TFRC: variants seen among roughly 807,000 people sequenced by gnomAD.
TFRC encodes transferrin receptor protein 1.
Under a neutral mutation model 85.8 loss-of-function variants are expected in TFRC, and 35 were observed. That is an observed-to-expected ratio of 0.41 (90% CI 0.31 to 0.54). TFRC has a LOEUF of 0.54. Among genes scored for constraint, TFRC ranks in the 20% least tolerant of loss-of-function variants. The pLI is 0.31. For synonymous variants in TFRC, 362 were observed against 328.6 expected, an observed-to-expected ratio of 1.10 and a Z score of -1.10; for missense variants, 828 against 921.5, an observed-to-expected ratio of 0.90 and a Z score of 1.31.
At chr3:196,064,554 A>T in intron 10 of TFRC, 126 bp from the exon 11 acceptor site, 1 of 787,274 alleles carries the variant, frequency 1.3e-6, no homozygotes, top group Non-Finnish European at 1.8e-6. Flanking sequence ...GCCTTACTTC[A>T]AATCTGACTA....
chr3:196,058,513 A>C, intron 15 of TFRC, 61 bp downstream of exon 15: 1 of 1,522,818 alleles, frequency 6.6e-7, no homozygotes, highest in Non-Finnish European at 9.0e-7. Context: ...GATTCTACCT[A>C]ATGTAGTAGG....
chr3:196,064,918 T>A (rs1222588128), intron 10 of TFRC, among the ~76,000 whole-genome samples: 1 of 152,198 alleles, frequency 6.6e-6, no homozygotes. Context: ...GTCATAATGG[T>A]CAATTTTTAA....
chr3:196,049,683 A>G lies in TFRC; in HGVS notation c.*2259T>C. ...GCATGCCCTGTATTCATATTGTGTT[A>G]TACGATGAACATGCCACATGCTTTC... On this transcript the variant is annotated 3_prime_UTR_variant, in exon 19 of 19. Transcript: ENST00000360110. 4.4e-6 allele frequency: 1 copy of G among 229,806 alleles called. No homozygotes were observed. The highest frequency in any genetic ancestry group is 6.2e-5 in the East Asian group (1 of 16,104). 14.2% of individuals were successfully genotyped at this position (229,806 alleles called of 1,614,324 possible).
chr3:196,072,694 T>C (rs1718310899), intron 4 of TFRC: 1 of 148,256 alleles, frequency 6.7e-6, no homozygotes, highest in Admixed American at 6.6e-5. Flanking sequence ...AAGTAGAAAA[T>C]GCCATAACTT....
chr3:196,077,263 A>T lies in TFRC; in HGVS notation c.-23-141T>A, dbSNP rs540450352. ...GAAAAGGTATTTAACCATAGTTTAC[A>T]TGACAACTAAATTAAGTGGGATCCT... On this transcript the variant is annotated intron_variant, in intron 1 of 18. Coordinates refer to ENST00000360110, the MANE Select transcript of TFRC (RefSeq NM_001128148.3). 6.9e-6 allele frequency: 4 copies of T among 578,804 alleles called. No individual in the cohort carries two copies. The Admixed American group carries it at 1.2e-4, about 18-fold the overall frequency. 35.9% of individuals were successfully genotyped at this position (578,804 alleles called of 1,614,324 possible). A position where few individuals can be genotyped will look rare whatever the true frequency, so the allele number is the denominator to read the frequency against.
intron 1 of TFRC, among the ~76,000 whole-genome samples, chr3:196,079,588 C>T (rs1445690016): frequency 1.3e-5 from 2 of 152,148 alleles, no homozygotes; most frequent in Non-Finnish European, 2.9e-5. Context: ...TGCACTACAG[C>T]CTGGGCAACA....
At chr3:196,052,516 C>A (rs938359977) in intron 18 of TFRC, among the ~76,000 whole-genome samples, 1 of 152,008 alleles carries the variant, frequency 6.6e-6, no homozygotes, top group Admixed American at 6.6e-5. Flanking sequence ...TCTCAGCTCA[C>A]TGCAACCTCC....
chr3:196,054,800 C>T (rs185415333), intron 17 of TFRC, among the ~76,000 whole-genome samples: 28 of 152,344 alleles, frequency 1.8e-4, no homozygotes, highest in African/African-American at 6.7e-4. Flanking sequence ...CTTCATATTC[C>T]GTGTCCTACT....
intron 1 of TFRC, among the ~76,000 whole-genome samples, chr3:196,077,892 C>T (rs4927868): frequency 0.091 from 13,786 of 152,220 alleles, 1,828 homozygotes; most frequent in East Asian, 0.66. Context: ...ATAGTTCCTA[C>T]AAGTGATTCG....
intron 9 of TFRC, among the ~76,000 whole-genome samples, chr3:196,065,989 C>CAAAAAAAAAAA (rs41295865): frequency 7.8e-6 from 1 of 128,320 alleles, no homozygotes. Flanking sequence ...AGTCCTGTCT[C>CAAAAAAAAAAA]AAAAAAAAAC....
chr3:196,067,533 G>A lies in TFRC; in HGVS notation c.1025C>T (p.Ala342Val). ...AAAAACTTACCCAAACAGCTTTTCT[G>A]CAGCAGCTCTGGAGATTGTCTGGAC... ...IPVQTISRAA[A>V]EKLFGNMEGD... is the part of the protein sequence containing the mutation. Residue 342 changes from alanine (A) to valine (V), a missense_variant, in exon 9 of 19, where the codon GCA (alanine) becomes GTA (valine). By Grantham distance (64) the Ala-to-Val change is moderately conservative. Coordinates refer to ENST00000360110, the MANE Select transcript of TFRC (RefSeq NM_001128148.3). 1 of 1,613,244 alleles carries A rather than the reference G, an allele frequency of 6.2e-7. No individual in the cohort carries two copies. The highest frequency in any genetic ancestry group is 8.5e-7 in the Non-Finnish European group (1 of 1,179,696).
intron 16 of TFRC, among the ~76,000 whole-genome samples, chr3:196,056,399 T>C (rs145272229): frequency 1.3e-3 from 193 of 152,134 alleles, no homozygotes; most frequent in African/African-American, 4.5e-3. Flanking sequence ...AATTCAGCCT[T>C]GGTTTTTTTT....
intron 8 of TFRC, 101 bp downstream of exon 8, chr3:196,067,931 A>T (rs1029946353): frequency 1.0e-6 from 1 of 961,992 alleles, no homozygotes; most frequent in African/African-American, 1.7e-5. Flanking sequence ...CTCCCAGAAA[A>T]AAGAGCAGTT....
At chr3:196,072,808 AC>A (rs1718321880) in intron 4 of TFRC, 1 of 152,022 alleles carries the variant, frequency 6.6e-6, no homozygotes, top group South Asian at 2.1e-4. Flanking sequence ...AGATAGTAAA[AC>A]TCTATGGACA....
At chr3:196,057,825 C>T (rs1435266150) in intron 16 of TFRC, 1 of 151,372 alleles carries the variant, frequency 6.6e-6, no homozygotes, top group African/African-American at 2.4e-5. Context: ...CAAAAAAAAC[C>T]CAACAACTAA....
chr3:196,081,372 T>C lies in TFRC; in HGVS notation c.-24+671A>G, dbSNP rs41300407. 3.8e-3 allele frequency among the ~76,000 whole-genome samples: 576 copies of C among 152,322 alleles called. 4 individuals carry two copies. The highest frequency in any genetic ancestry group is 0.013 in the African/African-American group (548 of 41,568). On this transcript the variant is annotated intron_variant, in intron 1 of 18. Transcript: ENST00000360110. ...GGTTGTACCAGAGCCGAAGGGTAAGTTTACAGAAACCCGTATCTAATTAAT... is the reference window on the plus strand; with the variant it reads ...GGTTGTACCAGAGCCGAAGGGTAAGCTTACAGAAACCCGTATCTAATTAAT...
At position 196,060,430 on chromosome 3, in the gene TFRC, C is replaced by G. The variant is rs915700304; in HGVS notation, c.1469-183G>C. 5.0e-6 allele frequency: 3 copies of G among 596,132 alleles called. No individual in the cohort carries two copies. The African/African-American group carries it at 5.6e-5, about 11-fold the overall frequency. 36.9% of individuals were successfully genotyped at this position (596,132 alleles called of 1,614,324 possible). ...GGTATCAAGCTCTTTAGCAACTAAG[C>G]TAACTTCACTCAAGTGGGCTCGTAC... On this transcript the variant is annotated intron_variant, in intron 13 of 18. Transcript: ENST00000360110.
intron 3 of TFRC, among the ~76,000 whole-genome samples, 162 bp downstream of exon 3, chr3:196,074,997 C>T (rs1718540668): frequency 7.5e-6 from 1 of 132,954 alleles, no homozygotes; most frequent in Non-Finnish European, 1.5e-5. Flanking sequence ...AGTGAGCCAA[C>T]ATGGTGCCAC....
At chr3:196,071,317 A>AT in intron 6 of TFRC, 79 bp downstream of exon 6, 1 of 1,370,388 alleles carries the variant, frequency 7.3e-7, no homozygotes, top group Admixed American at 1.8e-5. Flanking sequence ...AGGTAAATTT[A>AT]TAACTCCTAA....
Sources: allele counts gnomAD v4.1 joint callset (sites outside exome capture counted in the v4.1 genomes callset), GRCh38; gene constraint gnomAD v4.1.1; transcripts MANE v1.5; gene names NCBI Gene and HGNC (gene_info 2026-07-23, HGNC 2026-07-21).